Variants in ADAM20 observed in about 807,000 individuals in gnomAD.
ADAM20 encodes ADAM metallopeptidase domain 20.
For missense variants in ADAM20, 871 were observed against 883.2 expected (o/e 0.99, Z 0.18); for synonymous variants, 305 against 310.2 (o/e 0.98, Z 0.18).
the ADAM20 span, among the ~76,000 whole-genome samples, chr14:70,573,285 A>C: frequency 8.5e-5 from 13 of 152,336 alleles, no homozygotes; most frequent in Admixed American, 6.5e-4. Context: ...TTGGAGCAAC[A>C]TGAATGCAGC....
chr14:70,540,805 T>C, the ADAM20 span, among the ~76,000 whole-genome samples: 5 of 152,214 alleles, frequency 3.3e-5, no homozygotes, highest in Non-Finnish European at 7.3e-5. Flanking sequence ...ATAATTTTTT[T>C]TTCTTTGAGA....
chr14:70,523,244 T>C lies in ADAM20; in HGVS notation c.1514A>G (p.Glu505Gly). The C allele has an allele frequency of 6.2e-7, 1 of 1,614,010 alleles. No homozygotes were observed. Among genetic ancestry groups the C allele is most frequent in the South Asian group, 1.1e-5 (1 of 91,080 alleles). Residue 505 changes from glutamate (E) to glycine (G), a missense_variant, in exon 2 of 2, where the codon GAA (glutamate) becomes GGA (glycine). By Grantham distance (98) the Glu-to-Gly change is moderately conservative. Coordinates refer to ENST00000256389, the MANE Select transcript of ADAM20 (RefSeq NM_003814.5). ...ISCNVNAFCYEKTCNNHDIQC... is the reference protein window; with the variant it reads ...ISCNVNAFCYGKTCNNHDIQC... Reference sequence around the variant, plus strand: ...TATATCATGGTTATTACACGTCTTTTCATAGCAGAAGGCATTCACATTACA... The same window carrying C: ...TATATCATGGTTATTACACGTCTTTCCATAGCAGAAGGCATTCACATTACA...
rs202016898 is a variant in ADAM20 at position 70,523,260 on chromosome 14, T to C, written c.1498A>G (p.Asn500Asp). 1 of 1,614,008 alleles carries C rather than the reference T, an allele frequency of 6.2e-7. No homozygotes were observed. The highest frequency in any genetic ancestry group is 8.5e-7 in the Non-Finnish European group (1 of 1,179,942). The part of the protein sequence containing the change: ...YVQDGISCNV[N>D]AFCYEKTCNN... ...CACGTCTTTTCATAGCAGAAGGCAT[T>C]CACATTACAGGAGATCCCGTCCTGC... Residue 500 changes from asparagine (N) to aspartate (D), a missense_variant, in exon 2 of 2, where the codon AAT becomes GAT. Asn to Asp is a conservative substitution (Grantham distance 23, BLOSUM62 1). Coordinates refer to ENST00000256389, the MANE Select transcript of ADAM20 (RefSeq NM_003814.5).
chr14:70,522,936 C>T lies in ADAM20; in HGVS notation c.1822G>A (p.Val608Met), dbSNP rs548210327. 6.8e-6 allele frequency: 11 copies of T among 1,614,062 alleles called. No individual in the cohort carries two copies. The highest frequency in any genetic ancestry group is 1.3e-5 in the African/African-American group (1 of 75,020). Residue 608 changes from valine to methionine, a missense_variant, in exon 2 of 2, where the codon GTG (valine) becomes ATG (methionine). Transcript: ENST00000256389. ...GGACCACATACTGTGCCATCTTTCA[C>T]CTCACCAATATCAGGTATAGCCATC... ...LGMAIPDIGE[V>M]KDGTVCGPEK...
At chr14:70,562,779 A>G in the ADAM20 span, among the ~76,000 whole-genome samples, 2 of 152,182 alleles carry the variant, frequency 1.3e-5, no homozygotes, top group South Asian at 2.1e-4. Flanking sequence ...GAGGCCTCCT[A>G]GTCATGCTTC....
At chr14:70,553,884 G>A in the ADAM20 span, among the ~76,000 whole-genome samples, 1 of 152,172 alleles carries the variant, frequency 6.6e-6, no homozygotes, top group African/African-American at 2.4e-5. Flanking sequence ...ACACGACAAG[G>A]ATGCCCACTG....
At chr14:70,527,651 A>C (rs1243419886) in intron 1 of ADAM20, among the ~76,000 whole-genome samples, 1 of 152,094 alleles carries the variant, frequency 6.6e-6, no homozygotes, top group African/African-American at 2.4e-5. Context: ...AAAGTAAACA[A>C]ATCTCTGTAG....
At position 70,522,913 on chromosome 14, in the gene ADAM20, AC is replaced by A; in HGVS notation, c.1844del (p.Gly615ValfsTer28). On this transcript the variant is annotated frameshift_variant, in exon 2 of 2. Coordinates refer to ENST00000256389, the MANE Select transcript of ADAM20 (RefSeq NM_003814.5). LOFTEE classifies it low-confidence loss of function (END_TRUNC). ...IGEVKDGTVC[G>X]PEKICIRKKC... The stretch of plus-strand genomic sequence containing the variant: ...TCTTACGGATGCAGATCTTTTCTGG[AC>A]CACATACTGTGCCATCTTTCACCTC... 6.2e-7 allele frequency: 1 copy of A among 1,614,068 alleles called. No homozygotes were observed. Among genetic ancestry groups the A allele is most frequent in the Non-Finnish European group, 8.5e-7 (1 of 1,179,956 alleles).
At chr14:70,544,216 A>C in the ADAM20 span, among the ~76,000 whole-genome samples, 1 of 152,326 alleles carries the variant, frequency 6.6e-6, no homozygotes, top group Admixed American at 6.5e-5. Context: ...TTAGTCTGTA[A>C]GAGAGAGCAC....
At chr14:70,555,489 G>T in the ADAM20 span, among the ~76,000 whole-genome samples, 1 of 152,108 alleles carries the variant, frequency 6.6e-6, no homozygotes, top group African/African-American at 2.4e-5. Flanking sequence ...GCAGGAATTT[G>T]GTGAAAATAT....
At chr14:70,553,508 T>C in the ADAM20 span, among the ~76,000 whole-genome samples, 2 of 102,102 alleles carry the variant, frequency 2.0e-5, no homozygotes, top group Non-Finnish European at 3.9e-5. Context: ...CGCTAATCAA[T>C]ATTAATGCAA....
At chr14:70,561,896 G>A in the ADAM20 span, among the ~76,000 whole-genome samples, 2 of 152,258 alleles carry the variant, frequency 1.3e-5, no homozygotes, top group South Asian at 4.1e-4. Flanking sequence ...AGCAGGGGCA[G>A]AGCCCTCATG....
chr14:70,524,778 G>C lies in ADAM20; in HGVS notation c.-21C>G. 2 of 1,613,820 alleles carry C rather than the reference G, an allele frequency of 1.2e-6. No homozygotes were observed. The highest frequency in any genetic ancestry group is 1.7e-6 in the Non-Finnish European group (2 of 1,179,936). On this transcript the variant is annotated 5_prime_UTR_variant, in exon 2 of 2. Coordinates refer to ENST00000256389, the MANE Select transcript of ADAM20 (RefSeq NM_003814.5). ...GCCATTATGAAGCTGTCATTATGGAGCCATCTGTCTAGAGCAGAAGAGAAC... is the reference window on the plus strand; with the variant it reads ...GCCATTATGAAGCTGTCATTATGGACCCATCTGTCTAGAGCAGAAGAGAAC...
At chr14:70,573,445 T>C in the ADAM20 span, among the ~76,000 whole-genome samples, 1 of 152,074 alleles carries the variant, frequency 6.6e-6, no homozygotes, top group South Asian at 2.1e-4. Flanking sequence ...GGGACGAAGA[T>C]GGGAAAGAGT....
Position 70,522,374 on chromosome 14 carries a change from C to G in ADAM20, c.*203G>C. 4 of 520,242 alleles carry G rather than the reference C, an allele frequency of 7.7e-6. No homozygotes were observed. The highest frequency in any genetic ancestry group is 6.5e-6 in the Non-Finnish European group (2 of 306,602). The allele number at this position is 520,242 out of a possible 1,614,324, so 32.2% of individuals were successfully genotyped here. A position where few individuals can be genotyped will look rare whatever the true frequency, so the allele number is the denominator to read the frequency against. On this transcript the variant is annotated 3_prime_UTR_variant, in exon 2 of 2. Transcript: ENST00000256389. ...AGACACAACTTCTGGGAAAAGGAAC[C>G]TTTAATATTGCTTAAGACACTGTAG...
Position 70,523,475 on chromosome 14 carries a change from T to G in ADAM20, c.1283A>C (p.Gln428Pro). The G allele has an allele frequency of 2.5e-6, 4 of 1,614,094 alleles. No individual in the cohort carries two copies. Among genetic ancestry groups the G allele is most frequent in the Non-Finnish European group, 3.4e-6 (4 of 1,179,978 alleles). Residue 428 changes from glutamine to proline, a missense_variant, in exon 2 of 2, where the codon CAG (glutamine) becomes CCG (proline). By Grantham distance (76) the Gln-to-Pro change is moderately conservative. Transcript: ENST00000256389. ...GEECDCGTIR[Q>P]CAKDPCCLLN... Reference sequence around the variant, plus strand: ...CAGACAACAGGGATCTTTTGCACACTGCCGTATGGTTCCACAGTCACATTC... The same window carrying G: ...CAGACAACAGGGATCTTTTGCACACGGCCGTATGGTTCCACAGTCACATTC...
the ADAM20 span, among the ~76,000 whole-genome samples, chr14:70,542,027 C>T: frequency 6.6e-6 from 1 of 152,200 alleles, no homozygotes; most frequent in East Asian, 1.9e-4. Context: ...GAATTAACTG[C>T]ATGAACTGAA....
At chr14:70,529,000 T>C (rs1213687201) in intron 1 of ADAM20, among the ~76,000 whole-genome samples, 1 of 152,158 alleles carries the variant, frequency 6.6e-6, no homozygotes, top group Non-Finnish European at 1.5e-5. Context: ...CAATTAGAAA[T>C]ATATGCACCC....
chr14:70,523,193 T>A lies in ADAM20; in HGVS notation c.1565A>T (p.Asp522Val), dbSNP rs369562503. 4.3e-6 allele frequency: 7 copies of A among 1,613,866 alleles called. No homozygotes were observed. The highest frequency in any genetic ancestry group is 1.6e-4 in the Middle Eastern group (1 of 6,080). Residue 522 changes from aspartate (D) to valine (V), a missense_variant, in exon 2 of 2, where the codon GAT (aspartate) becomes GTT (valine). Asp to Val is a radical substitution (Grantham distance 152). Coordinates refer to ENST00000256389, the MANE Select transcript of ADAM20 (RefSeq NM_003814.5). ...DIQCKEIFGQ[D>V]ARSASQSCYQ... ...GCAACTCTGAGATGCACTCCTTGCA[T>A]CTTGGCCAAAAATCTCTTTACATTG...
Sources: allele counts gnomAD v4.1 joint callset (sites outside exome capture counted in the v4.1 genomes callset), GRCh38; gene constraint gnomAD v4.1.1; transcripts MANE v1.5; gene names NCBI Gene and HGNC (gene_info 2026-07-23, HGNC 2026-07-21).